The following SUPT3H variants were observed in gnomAD, a reference collection of about 807,000 sequenced individuals.
The protein encoded by SUPT3H is SPT3 homolog, SAGA and STAGA complex component, also known as transcription initiation protein SPT3 homolog.
Under a neutral mutation model 44.3 loss-of-function variants are expected in SUPT3H, and 44 were observed. That is an observed-to-expected ratio of 0.99 (90% confidence interval 0.78 to 1.28). The LOEUF (loss-of-function observed/expected upper bound fraction) is 1.28, where lower values mean the gene tolerates loss of function less well. SUPT3H is among the 50% of genes most tolerant of loss of function. SUPT3H has a pLI of 0.00. For synonymous variants in SUPT3H, 124 were observed against 125.6 expected (o/e 0.99, Z 0.09); for missense variants, 380 against 387.1 (o/e 0.98, Z 0.15).
intron 3 of SUPT3H, among the ~76,000 whole-genome samples, chr6:45,085,308 T>C (rs79610435): frequency 6.6e-6 from 1 of 152,114 alleles, no homozygotes; most frequent in Non-Finnish European, 1.5e-5. Flanking sequence ...AACAAAGTAT[T>C]TATATACATT....
intron 10 of SUPT3H, among the ~76,000 whole-genome samples, chr6:44,890,649 C>T (rs142752750): frequency 0.021 from 3,104 of 148,286 alleles, 120 homozygotes; most frequent in African/African-American, 0.074. Context: ...AGGAGACGTA[C>T]CTAATGCTAA....
At chr6:45,249,831 G>C (rs1192583521) in intron 2 of SUPT3H, among the ~76,000 whole-genome samples, 1 of 152,078 alleles carries the variant, frequency 6.6e-6, no homozygotes, top group African/African-American at 2.4e-5. Flanking sequence ...CAAGGGGAAA[G>C]GGTTGATGAT....
At chr6:45,140,606 T>A (rs1256038456) in intron 2 of SUPT3H, among the ~76,000 whole-genome samples, 1 of 151,944 alleles carries the variant, frequency 6.6e-6, no homozygotes, top group Non-Finnish European at 1.5e-5. Flanking sequence ...AAAAAGCCAG[T>A]GCACTAAACA....
At chr6:45,177,018 T>C (rs960664541) in intron 2 of SUPT3H, among the ~76,000 whole-genome samples, 10 of 152,132 alleles carry the variant, frequency 6.6e-5, no homozygotes, top group Non-Finnish European at 1.2e-4. Flanking sequence ...GTGCCTCTCC[T>C]CCTCCAAAGG....
chr6:45,256,769 C>T (rs990705498), intron 2 of SUPT3H, among the ~76,000 whole-genome samples: 1 of 152,172 alleles, frequency 6.6e-6, no homozygotes, highest in African/African-American at 2.4e-5. Flanking sequence ...GTCAGTACTT[C>T]CGTCCTTTTT....
At chr6:45,069,190 AAAG>A (rs1283859823) in intron 3 of SUPT3H, among the ~76,000 whole-genome samples, 1 of 152,170 alleles carries the variant, frequency 6.6e-6, no homozygotes, top group Admixed American at 6.5e-5. Flanking sequence ...AAAGGTAGTA[AAAG>A]AAGATAACAG....
At chr6:45,204,250 A>AAGAAGAAGAAGAAG (rs1762860332) in intron 2 of SUPT3H, among the ~76,000 whole-genome samples, 3 of 143,052 alleles carry the variant, frequency 2.1e-5, no homozygotes, top group Non-Finnish European at 4.5e-5. Flanking sequence ...CCGTCTCAAA[A>AAGAAGAAGAAGAAG]AAGAAGAAGA....
intron 2 of SUPT3H, among the ~76,000 whole-genome samples, chr6:45,218,770 A>G (rs1765508823): frequency 1.3e-5 from 2 of 152,192 alleles, no homozygotes; most frequent in Non-Finnish European, 2.9e-5. Context: ...TCAAGAATAT[A>G]GAAAATCTGA....
At chr6:44,929,975 CT>C (rs535537617) in intron 10 of SUPT3H, among the ~76,000 whole-genome samples, 115 of 152,208 alleles carry the variant, frequency 7.6e-4, no homozygotes, top group African/African-American at 2.7e-3. Flanking sequence ...AGCCTGGGCG[CT>C]GTGGCTCATA....
At chr6:45,360,702 G>T (rs1048147201) in intron 2 of SUPT3H, among the ~76,000 whole-genome samples, 1 of 152,122 alleles carries the variant, frequency 6.6e-6, no homozygotes, top group Non-Finnish European at 1.5e-5. Context: ...ACACTCTCAG[G>T]AGAAGAAGCA....
intron 4 of SUPT3H, 144 bp downstream of exon 4, chr6:45,020,402 T>C (rs1784956186): frequency 1.7e-6 from 1 of 586,532 alleles, no homozygotes; most frequent in Non-Finnish European, 2.9e-6. Context: ...ACACATTTTG[T>C]CGTCCAAACC....
At chr6:45,009,924 C>T (rs562214730) in intron 5 of SUPT3H, among the ~76,000 whole-genome samples, 2 of 152,126 alleles carry the variant, frequency 1.3e-5, no homozygotes, top group East Asian at 3.9e-4. Context: ...ATCTGTAGGC[C>T]AAGTTGGAGA....
intron 3 of SUPT3H, among the ~76,000 whole-genome samples, chr6:45,044,512 C>T (rs1010710499): frequency 6.6e-6 from 1 of 152,140 alleles, no homozygotes; most frequent in African/African-American, 2.4e-5. Flanking sequence ...TCACATCTTA[C>T]CTTATTATGC....
At chr6:45,018,481 G>C (rs1388769989) in intron 4 of SUPT3H, among the ~76,000 whole-genome samples, 1 of 151,812 alleles carries the variant, frequency 6.6e-6, no homozygotes, top group African/African-American at 2.4e-5. Flanking sequence ...TTGGCTGTGG[G>C]TTTGTCATAG....
At position 45,140,205 on chromosome 6, in the gene SUPT3H, G is replaced by C. The variant is rs145363771; in HGVS notation, c.102-34199C>G. Among the ~76,000 whole-genome samples, 22 of 151,904 alleles carry C rather than the reference G, an allele frequency of 1.4e-4. No individual in the cohort carries two copies. In the South Asian group the frequency reaches 4.6e-3, roughly 32 times the overall value. Reference sequence around the variant, plus strand: ...CCACCCCCTCCCCATCCTCCACAGCGGCCATGGCAAGCTCCAACCAACAAG... The same window carrying C: ...CCACCCCCTCCCCATCCTCCACAGCCGCCATGGCAAGCTCCAACCAACAAG... On this transcript the variant is annotated intron_variant, in intron 2 of 10. Coordinates refer to ENST00000371459, the MANE Select transcript of SUPT3H (RefSeq NM_003599.4).
At chr6:45,068,875 A>G (rs563250249) in intron 3 of SUPT3H, among the ~76,000 whole-genome samples, 63 of 152,248 alleles carry the variant, frequency 4.1e-4, no homozygotes, top group African/African-American at 1.4e-3. Flanking sequence ...ACTAATCAGT[A>G]GAATGTTCGT....
chr6:45,355,320 T>C (rs1792945033), intron 2 of SUPT3H, among the ~76,000 whole-genome samples: 1 of 152,124 alleles, frequency 6.6e-6, no homozygotes, highest in Admixed American at 6.5e-5. Flanking sequence ...ATGAACTTTC[T>C]GTATTTTCTA....
chr6:44,969,599 A>C (rs575514480), intron 6 of SUPT3H, among the ~76,000 whole-genome samples: 1 of 152,338 alleles, frequency 6.6e-6, no homozygotes, highest in African/African-American at 2.4e-5. Flanking sequence ...TGTTTTTAGA[A>C]AAAAAATCAA....
At chr6:44,971,296 C>T (rs1248756079) in intron 6 of SUPT3H, among the ~76,000 whole-genome samples, 1 of 152,158 alleles carries the variant, frequency 6.6e-6, no homozygotes, top group Non-Finnish European at 1.5e-5. Flanking sequence ...ATCATCAACT[C>T]TCCTCTGGAT....
Sources: gnomAD v4.1 joint callset for allele counts (sites outside exome capture counted in the v4.1 genomes callset) on GRCh38, gnomAD v4.1.1 for gene constraint, MANE v1.5 for transcripts, NCBI Gene and HGNC (gene_info 2026-07-23, HGNC 2026-07-21) for gene names.